Variants in LOXHD1 observed in about 807,000 individuals in gnomAD.
The protein encoded by LOXHD1 is lipoxygenase homology PLAT domains 1, also known as lipoxygenase homology domain-containing protein 1.
In LOXHD1, 205 loss-of-function variants were observed where a neutral mutation model predicts 248.2. The observed-to-expected ratio is 0.83, with a 90% CI of 0.74 to 0.93. The LOEUF is 0.93. LOXHD1 is among the 40% of genes least tolerant of loss of function. LOXHD1 has a pLI of 0.00. For synonymous variants in LOXHD1, 1,113 were observed against 1,162.8 expected (o/e 0.96, Z 0.87); for missense variants, 2,930 against 2,971.6 (o/e 0.99, Z 0.33).
intron 2 of LOXHD1, among the ~76,000 whole-genome samples, chr18:46,645,502 C>T (rs1251519173): frequency 6.6e-6 from 1 of 152,204 alleles, no homozygotes; most frequent in Admixed American, 6.5e-5. Flanking sequence ...CATGAGATCC[C>T]ATCCTTTTGC....
Position 46,516,500 on chromosome 18 carries a change from G to C in LOXHD1, c.5399+1629C>G, listed in dbSNP as rs1465837875. Among the ~76,000 whole-genome samples the C allele has an allele frequency of 2.0e-5, 3 of 152,320 alleles. No homozygotes were observed. The East Asian group carries it at 5.8e-4, about 29-fold the overall frequency. ...CATAGGATGGGCAAAGCTCCAGCTT[G>C]CACGAGCTGCTCCGTCCATGAAAAG... is the stretch of plus-strand genomic sequence containing the variant. On this transcript the variant is annotated intron_variant, in intron 34 of 40. Coordinates refer to ENST00000642948, the MANE Select transcript of LOXHD1 (RefSeq NM_001384474.1).
chr18:46,631,553 C>T (rs1467407920), intron 4 of LOXHD1, among the ~76,000 whole-genome samples: 2 of 152,186 alleles, frequency 1.3e-5, no homozygotes, highest in Non-Finnish European at 2.9e-5. Context: ...TGAGGCTTTC[C>T]ATCCAGTGGG....
At chr18:46,549,477 C>T (rs1028506322) in intron 21 of LOXHD1, among the ~76,000 whole-genome samples, 5 of 152,134 alleles carry the variant, frequency 3.3e-5, no homozygotes, top group Admixed American at 6.5e-5. Flanking sequence ...GGTGTAATGA[C>T]AAAAGCATGG....
chr18:46,516,458 A>T (rs1482121724), intron 34 of LOXHD1, among the ~76,000 whole-genome samples: 1 of 152,228 alleles, frequency 6.6e-6, no homozygotes, highest in East Asian at 1.9e-4. Flanking sequence ...ACCCCCAGGG[A>T]TGAGCTGCAT....
intron 2 of LOXHD1, among the ~76,000 whole-genome samples, chr18:46,648,906 T>C (rs184165071): frequency 1.3e-5 from 2 of 152,328 alleles, no homozygotes; most frequent in East Asian, 1.9e-4. Context: ...ACAGCTAATA[T>C]GGATTCTTGG....
intron 20 of LOXHD1, among the ~76,000 whole-genome samples, chr18:46,558,457 G>T (rs565555767): frequency 1.7e-4 from 26 of 152,248 alleles, no homozygotes; most frequent in African/African-American, 6.3e-4. Flanking sequence ...GTCCTCTATA[G>T]AAATTTTTTC....
intron 10 of LOXHD1, 135 bp downstream of exon 10, chr18:46,593,465 G>A (rs1481013451): frequency 2.2e-6 from 2 of 906,488 alleles, no homozygotes; most frequent in African/African-American, 3.4e-5. Flanking sequence ...CCTTTGCAGG[G>A]ACCTAAAATC....
intron 15 of LOXHD1, among the ~76,000 whole-genome samples, chr18:46,569,944 A>C (rs887103044): frequency 6.6e-6 from 1 of 152,202 alleles, no homozygotes; most frequent in Admixed American, 6.5e-5. Context: ...AAAACATAAG[A>C]GCCTGAAAGG....
chr18:46,557,887 A>G (rs1219712424), intron 20 of LOXHD1: 1 of 1,122,616 alleles, frequency 8.9e-7, no homozygotes, highest in Non-Finnish European at 1.1e-6. Context: ...TCAATCACAT[A>G]TTTGTATTAA....
intron 4 of LOXHD1, among the ~76,000 whole-genome samples, chr18:46,621,936 G>A (rs1326224763): frequency 2.0e-5 from 3 of 152,168 alleles, no homozygotes; most frequent in African/African-American, 7.2e-5. Context: ...GCATATTCTA[G>A]ATGTCATTTG....
chr18:46,520,706 TG>T (rs2035534442), intron 33 of LOXHD1: 1 of 238,800 alleles, frequency 4.2e-6, no homozygotes, highest in African/African-American at 2.3e-5. Flanking sequence ...CTGTTGATGG[TG>T]GATCCTTTGG....
Position 46,524,369 on chromosome 18 carries a change from C to CG in LOXHD1, c.4876+96dup, listed in dbSNP as rs1159180258. ...AATGACTAAGTGTTAGATATGTCAT[C>CG]GGTGATGGTGGGGCTCAAGAATGGC... On this transcript the variant is annotated intron_variant, in intron 31 of 40. Coordinates refer to ENST00000642948, the MANE Select transcript of LOXHD1 (RefSeq NM_001384474.1). The CG allele has an allele frequency of 1.2e-5, 17 of 1,451,968 alleles. No homozygotes were observed. The Admixed American group carries it at 2.1e-4, about 18-fold the overall frequency. The allele number at this position is 1,451,968 out of a possible 1,614,324, so 89.9% of individuals were successfully genotyped here.
At chr18:46,524,665 A>C in intron 30 of LOXHD1, 43 bp downstream of exon 30, 3 of 1,551,338 alleles carry the variant, frequency 1.9e-6, no homozygotes, top group Non-Finnish European at 1.7e-6. Flanking sequence ...GACCTCCCCT[A>C]GGCATGAGGA....
intron 20 of LOXHD1, chr18:46,559,025 T>C: frequency 4.2e-6 from 3 of 707,988 alleles, no homozygotes; most frequent in Non-Finnish European, 6.5e-6. Context: ...GGTTCCATCT[T>C]CTGAGAACAT....
chr18:46,514,589 G>T (rs2144032148), intron 34 of LOXHD1, among the ~76,000 whole-genome samples: 1 of 152,312 alleles, frequency 6.6e-6, no homozygotes, highest in Middle Eastern at 3.4e-3. Flanking sequence ...AGTATTTCCT[G>T]ATCCTTTCCT....
chr18:46,545,431 G>C lies in LOXHD1; in HGVS notation c.3515-10C>G. The C allele has an allele frequency of 6.5e-7, 1 of 1,529,524 alleles. No individual in the cohort carries two copies. The highest frequency in any genetic ancestry group is 8.9e-7 in the Non-Finnish European group (1 of 1,126,514). 94.7% of individuals were successfully genotyped at this position (1,529,524 alleles called of 1,614,324 possible). On this transcript the variant is annotated splice_polypyrimidine_tract_variant and intron_variant, in intron 22 of 40. Transcript: ENST00000642948. ...AATGTGGTAGATTTATCTGCCAAGA[G>C]AATAGTATAGAGCAATGAATTGTAG...
intron 14 of LOXHD1, among the ~76,000 whole-genome samples, chr18:46,575,649 C>T (rs139474568): frequency 6.6e-6 from 1 of 152,276 alleles, no homozygotes; most frequent in Non-Finnish European, 1.5e-5. Context: ...AGGCCCGGGT[C>T]AGATCCTTCC....
At chr18:46,618,427 CA>C in intron 4 of LOXHD1, 137 bp from the exon 5 acceptor site, 3 of 632,560 alleles carry the variant, frequency 4.7e-6, no homozygotes, top group Non-Finnish European at 8.3e-6. Context: ...AATAACAGAG[CA>C]AAAAACAAGT....
intron 4 of LOXHD1, among the ~76,000 whole-genome samples, chr18:46,632,752 C>A (rs774671423): frequency 3.9e-5 from 6 of 152,196 alleles, no homozygotes; most frequent in Non-Finnish European, 7.3e-5. Context: ...CGGTTGCCAG[C>A]CTTCCACAGG....
Sources: gnomAD v4.1 joint callset for allele counts (sites outside exome capture counted in the v4.1 genomes callset) on GRCh38, gnomAD v4.1.1 for gene constraint, MANE v1.5 for transcripts, NCBI Gene and HGNC (gene_info 2026-07-23, HGNC 2026-07-21) for gene names.